WASF2: variants seen among roughly 807,000 people sequenced by gnomAD.
WASF2 encodes the protein actin-binding protein WASF2.
A neutral mutation model predicts 45.0 loss-of-function variants in WASF2; 14 were observed. The observed-to-expected ratio is 0.31, with a 90% CI of 0.21 to 0.49. The LOEUF (loss-of-function observed/expected upper bound fraction) is 0.49. WASF2 is among the 20% of genes least tolerant of loss of function. The probability of loss-of-function intolerance (pLI) is 0.99; values close to 1 mark genes in which losing one functional copy is unlikely to be tolerated. For synonymous variants in WASF2, 200 were observed against 236.3 expected (o/e 0.85, Z 1.41); for missense variants, 439 against 636.1 (o/e 0.69, Z 3.33).
At chr1:27,472,916 G>A (rs1231099931) in intron 1 of WASF2, among the ~76,000 whole-genome samples, 1 of 145,696 alleles carries the variant, frequency 6.9e-6, no homozygotes, top group Non-Finnish European at 1.5e-5. Context: ...AGGCTGCAGT[G>A]AGCCATGATG....
At chr1:27,408,820 G>C (rs1261604653) in intron 8 of WASF2, among the ~76,000 whole-genome samples, 1 of 151,968 alleles carries the variant, frequency 6.6e-6, no homozygotes, top group Admixed American at 6.6e-5. Context: ...GATGATGAAG[G>C]GGGAGGGAAG....
At chr1:27,416,223 T>C (rs2016824624) in intron 4 of WASF2, 121 bp from the exon 5 acceptor site, 2 of 793,504 alleles carry the variant, frequency 2.5e-6, no homozygotes, top group Non-Finnish European at 4.4e-6. Flanking sequence ...GTCATTTGAA[T>C]CGATTGCATA....
chr1:27,432,375 G>A (rs2017076443), intron 1 of WASF2, among the ~76,000 whole-genome samples: 1 of 152,050 alleles, frequency 6.6e-6, no homozygotes, highest in Non-Finnish European at 1.5e-5. Context: ...TAGGCCGGGC[G>A]CGGTGGCTCA....
chr1:27,432,728 C>T (rs1294968842), intron 1 of WASF2, among the ~76,000 whole-genome samples: 1 of 148,174 alleles, frequency 6.7e-6, no homozygotes, highest in African/African-American at 2.5e-5. Flanking sequence ...AGAATAAATC[C>T]TATTCACTGA....
At chr1:27,449,349 G>A (rs1279901738) in intron 1 of WASF2, among the ~76,000 whole-genome samples, 1 of 152,194 alleles carries the variant, frequency 6.6e-6, no homozygotes, top group Non-Finnish European at 1.5e-5. Flanking sequence ...TATAATCCCA[G>A]CACTTTGGGA....
chr1:27,454,183 ATATATTT>A (rs1197627512), intron 1 of WASF2, among the ~76,000 whole-genome samples: 8 of 8,470 alleles, frequency 9.4e-4, no homozygotes, highest in African/African-American at 1.8e-3. Context: ...ATATATATAT[ATATATTT>A]TTTTTTTTTT....
intron 1 of WASF2, among the ~76,000 whole-genome samples, chr1:27,483,177 A>C (rs2017875658): frequency 1.3e-5 from 2 of 152,182 alleles, no homozygotes; most frequent in African/African-American, 4.8e-5. Flanking sequence ...TCTACTAAAA[A>C]TACAAAATTA....
chr1:27,462,212 G>A (rs970897744), intron 1 of WASF2, among the ~76,000 whole-genome samples: 2 of 151,240 alleles, frequency 1.3e-5, no homozygotes, highest in African/African-American at 2.4e-5. Context: ...TCTTGACCTC[G>A]TGATCTGCCC....
intron 1 of WASF2, among the ~76,000 whole-genome samples, chr1:27,489,066 T>C (rs1181914371): frequency 6.6e-6 from 1 of 151,606 alleles, no homozygotes; most frequent in Non-Finnish European, 1.5e-5. Flanking sequence ...CTCCAAGGAG[T>C]CCTTCCTCTT....
At chr1:27,420,662 C>T (rs1014544742) in intron 2 of WASF2, among the ~76,000 whole-genome samples, 2 of 151,818 alleles carry the variant, frequency 1.3e-5, no homozygotes, top group Non-Finnish European at 2.9e-5. Flanking sequence ...GCTGGGATTA[C>T]AGGTGCCTGC....
intron 1 of WASF2, among the ~76,000 whole-genome samples, chr1:27,461,629 AT>A (rs898577786): frequency 2.4e-4 from 35 of 148,606 alleles, no homozygotes; most frequent in Admixed American, 4.7e-4. Flanking sequence ...CGCCCAGCTA[AT>A]TTTTTTTTTT....
At chr1:27,455,779 G>A (rs1325513261) in intron 1 of WASF2, among the ~76,000 whole-genome samples, 3 of 151,952 alleles carry the variant, frequency 2.0e-5, no homozygotes, top group African/African-American at 7.3e-5. Context: ...AAGCTATCCT[G>A]ACCCCATTCC....
chr1:27,441,353 C>T (rs958676796), intron 1 of WASF2, among the ~76,000 whole-genome samples: 3 of 146,768 alleles, frequency 2.0e-5, no homozygotes, highest in Admixed American at 1.4e-4. Flanking sequence ...CGTGGCTGGG[C>T]GTGGTGGCTC....
chr1:27,431,088 A>G (rs2017057038), intron 1 of WASF2, among the ~76,000 whole-genome samples: 3 of 152,348 alleles, frequency 2.0e-5, no homozygotes, highest in South Asian at 4.1e-4. Flanking sequence ...TGTCACCAAC[A>G]GCAACAGCCC....
In WASF2 at chr1:27,425,101, T is replaced by G. The variant is rs536349324; in HGVS notation, c.130+3660A>C. Among the ~76,000 whole-genome samples the G allele has an allele frequency of 3.3e-5, 5 of 152,274 alleles. No homozygotes were observed. In the South Asian group the frequency reaches 1.0e-3, roughly 32 times the overall value. On this transcript the variant is annotated intron_variant, in intron 2 of 8. Coordinates refer to ENST00000618852, the MANE Select transcript of WASF2 (RefSeq NM_006990.5). ...TTTTTGCTTTCCTTTTTCATTTTAT[T>G]TATTTATTTGAGACAAGGTCTCGCC...
intron 1 of WASF2, among the ~76,000 whole-genome samples, chr1:27,441,270 A>G (rs1291622498): frequency 6.6e-6 from 1 of 151,766 alleles, no homozygotes; most frequent in Non-Finnish European, 1.5e-5. Context: ...AGGTGGGAGG[A>G]TCACTTGAGC....
chr1:27,437,211 G>T (rs925702223), intron 1 of WASF2, among the ~76,000 whole-genome samples: 1 of 152,110 alleles, frequency 6.6e-6, no homozygotes, highest in Non-Finnish European at 1.5e-5. Context: ...TTCAAAATTG[G>T]TTTCTTCTAG....
chr1:27,469,013 G>A (rs1386709841), intron 1 of WASF2, among the ~76,000 whole-genome samples: 1 of 151,798 alleles, frequency 6.6e-6, no homozygotes, highest in African/African-American at 2.4e-5. Flanking sequence ...TAAACCAAAT[G>A]TTCAGAGAGA....
rs2016675229 is a variant in WASF2 at position 27,406,365 on chromosome 1, A to T, written c.*1824T>A. The T allele has an allele frequency of 6.5e-6, 1 of 152,900 alleles. No homozygotes were observed. Among genetic ancestry groups the T allele is most frequent in the African/African-American group, 2.4e-5 (1 of 41,460 alleles). The allele number at this position is 152,900 out of a possible 1,614,324, so 9.5% of individuals were successfully genotyped here. A position where few individuals can be genotyped will look rare whatever the true frequency, so the allele number is the denominator to read the frequency against. On this transcript the variant is annotated 3_prime_UTR_variant, in exon 9 of 9. Coordinates refer to ENST00000618852, the MANE Select transcript of WASF2 (RefSeq NM_006990.5). The stretch of plus-strand genomic sequence containing the variant: ...ACAGCAAGACGGCATGCTGTCCCCT[A>T]CAGGCTCAGTCCCCACACCCTGAGT...
Sources: gnomAD v4.1 joint callset for allele counts (sites outside exome capture counted in the v4.1 genomes callset) on GRCh38, gnomAD v4.1.1 for gene constraint, MANE v1.5 for transcripts, NCBI Gene and HGNC (gene_info 2026-07-23, HGNC 2026-07-21) for gene names.